Variants in EVL observed in about 807,000 individuals in gnomAD.
EVL encodes Enah/Vasp-like, also known as ena/VASP-like protein.
EVL carries 21 observed loss-of-function variants against 59.6 expected under a neutral mutation model. That is an observed-to-expected ratio of 0.35 (90% CI 0.25 to 0.51). The LOEUF is 0.51. EVL is among the 20% of genes least tolerant of loss of function. The probability of loss-of-function intolerance (pLI) is 0.97; values close to 1 mark genes in which losing one functional copy is unlikely to be tolerated. For synonymous variants in EVL, 198 were observed against 203.5 expected, an observed-to-expected ratio of 0.97 and a Z score of 0.23; for missense variants, 462 against 546.6, an observed-to-expected ratio of 0.85 and a Z score of 1.54.
chr14:100,104,010 T>C (rs1335319759), intron 3 of EVL, among the ~76,000 whole-genome samples: 1 of 152,206 alleles, frequency 6.6e-6, no homozygotes, highest in Non-Finnish European at 1.5e-5. Context: ...AGTTACTTGA[T>C]CTCCCTGTGC....
chr14:99,991,596 C>A (rs1220877224), intron 1 of EVL, among the ~76,000 whole-genome samples: 1 of 152,062 alleles, frequency 6.6e-6, no homozygotes, highest in Non-Finnish European at 1.5e-5. Context: ...AAACAGAATG[C>A]TATAAATAGA....
chr14:100,143,651 GGGCTGCACTGGTCAT>G lies in EVL; in HGVS notation c.1220-41_1220-27del, dbSNP rs140228534. The stretch of plus-strand genomic sequence containing the variant: ...GGGTGCGGGGCCCTGATGAGGAACC[GGGCTGCACTGGTCAT>G]GGCTGCACCTGAGCCGCCGCCACCT... On this transcript the variant is annotated intron_variant, in intron 13 of 13. Transcript: ENST00000392920. 0.015 allele frequency: 23,525 copies of G among 1,607,734 alleles called. 1,572 individuals are homozygous for G. The African/African-American group carries it at 0.18, about 13-fold the overall frequency.
intron 2 of EVL, among the ~76,000 whole-genome samples, chr14:100,085,985 C>T (rs776751522): frequency 2.2e-4 from 34 of 152,062 alleles, no homozygotes; most frequent in Non-Finnish European, 3.8e-4. Flanking sequence ...AAAAATTAGC[C>T]GGGCGTGGTG....
intron 1 of EVL, among the ~76,000 whole-genome samples, chr14:100,057,077 A>G (rs2061745384): frequency 6.6e-6 from 1 of 152,222 alleles, no homozygotes; most frequent in Non-Finnish European, 1.5e-5. Context: ...ATCTTGAAGG[A>G]CAAACCCAAG....
chr14:100,137,283 T>G lies in EVL; in HGVS notation c.965-295T>G, dbSNP rs1595254040. On this transcript the variant is annotated intron_variant, in intron 9 of 13. Coordinates refer to ENST00000392920, the MANE Select transcript of EVL (RefSeq NM_016337.3). ...GCTGGGATGTCCGGGGAGGTCGTGCTTGCTCGCCCTGTGGCTCTAGTCACT... is the reference window on the plus strand; with the variant it reads ...GCTGGGATGTCCGGGGAGGTCGTGCGTGCTCGCCCTGTGGCTCTAGTCACT... 1.7e-5 allele frequency: 8 copies of G among 472,394 alleles called. No individual in the cohort carries two copies. The East Asian group carries it at 3.1e-4, about 18-fold the overall frequency. 29.3% of individuals were successfully genotyped at this position (472,394 alleles called of 1,614,324 possible).
At chr14:100,100,678 C>G (rs1203794489) in intron 3 of EVL, among the ~76,000 whole-genome samples, 1 of 149,622 alleles carries the variant, frequency 6.7e-6, no homozygotes, top group Non-Finnish European at 1.5e-5. Context: ...ACTTGGGAGG[C>G]TGAGGTGGGA....
At position 99,972,597 on chromosome 14, in the gene EVL, C is replaced by T. The variant is rs970136176; in HGVS notation, c.5+540C>T. ...AACCCCTTCGTCTCCTAATTCTCAACCCCCCTTTTTTTTCTTCTTGCACGC... is the reference window on the plus strand; with the variant it reads ...AACCCCTTCGTCTCCTAATTCTCAATCCCCCTTTTTTTTCTTCTTGCACGC... On this transcript the variant is annotated intron_variant, in intron 1 of 13. Coordinates refer to the EVL transcript ENST00000402714. This position sits in a 1 kb window ranked among gnomAD's most constrained non-coding sequence, Gnocchi z 4.4. Among the ~76,000 whole-genome samples the T allele has an allele frequency of 1.1e-4, 17 of 152,158 alleles. No individual in the cohort carries two copies. The highest frequency in any genetic ancestry group is 3.9e-4 in the East Asian group (2 of 5,186).
chr14:100,002,992 A>G (rs1239309397), intron 1 of EVL, among the ~76,000 whole-genome samples: 1 of 152,232 alleles, frequency 6.6e-6, no homozygotes, highest in South Asian at 2.1e-4. Context: ...GCCTTTATTA[A>G]GGAGTTGGCT....
At chr14:100,021,495 A>G (rs913250525) in intron 1 of EVL, among the ~76,000 whole-genome samples, 2 of 151,942 alleles carry the variant, frequency 1.3e-5, no homozygotes, top group Non-Finnish European at 2.9e-5. Flanking sequence ...CTAGTCATGG[A>G]GTTTGTGTAT....
intron 2 of EVL, among the ~76,000 whole-genome samples, chr14:100,089,558 A>G (rs1300778447): frequency 6.6e-6 from 1 of 152,240 alleles, no homozygotes; most frequent in Admixed American, 6.5e-5. Context: ...CACAGTGTAA[A>G]CTAGAAAATA....
chr14:100,016,296 C>T (rs111337662), intron 1 of EVL, among the ~76,000 whole-genome samples: 3,146 of 152,072 alleles, frequency 0.021, 104 homozygotes, highest in African/African-American at 0.073. Flanking sequence ...TTTGGGAGGC[C>T]GAGGAGGGTG....
At chr14:100,035,445 A>G (rs1357687121) in intron 1 of EVL, among the ~76,000 whole-genome samples, 2 of 146,502 alleles carry the variant, frequency 1.4e-5, no homozygotes, top group Non-Finnish European at 3.0e-5. Flanking sequence ...TGATGTAGTT[A>G]CTCTTACTGT....
chr14:100,026,231 G>GAA (rs368516400), intron 1 of EVL, among the ~76,000 whole-genome samples: 2 of 132,302 alleles, frequency 1.5e-5, no homozygotes, highest in Non-Finnish European at 1.7e-5. Context: ...AGTGTCTCAG[G>GAA]AAAAAAAAAA....
intron 1 of EVL, among the ~76,000 whole-genome samples, chr14:100,004,237 G>A (rs2060964263): frequency 6.6e-6 from 1 of 152,012 alleles, no homozygotes; most frequent in Non-Finnish European, 1.5e-5. Flanking sequence ...ACAAACAAAT[G>A]TTAGCATCAG....
chr14:100,131,991 T>C, intron 7 of EVL, among the ~76,000 whole-genome samples: 1 of 152,086 alleles, frequency 6.6e-6, no homozygotes, highest in East Asian at 1.9e-4. Context: ...ACCAGCTCCA[T>C]GCTTGATGGG....
chr14:99,998,427 A>C (rs945840009), intron 1 of EVL, among the ~76,000 whole-genome samples: 1 of 152,120 alleles, frequency 6.6e-6, no homozygotes, highest in African/African-American at 2.4e-5. Context: ...TTGTCTTATC[A>C]CTTTAATGCT....
intron 1 of EVL, among the ~76,000 whole-genome samples, chr14:100,011,070 G>A (rs908435413): frequency 5.3e-5 from 8 of 152,170 alleles, no homozygotes; most frequent in African/African-American, 1.4e-4. Flanking sequence ...TAAAGAACAT[G>A]TGAATGAGGA....
intron 1 of EVL, among the ~76,000 whole-genome samples, chr14:100,026,012 A>T (rs1309311852): frequency 6.6e-6 from 1 of 152,108 alleles, no homozygotes; most frequent in Admixed American, 6.5e-5. Context: ...GCATTTTGGG[A>T]GGCTGAGGCG....
intron 1 of EVL, among the ~76,000 whole-genome samples, chr14:100,013,828 A>G (rs2061033061): frequency 1.3e-5 from 2 of 152,196 alleles, no homozygotes; most frequent in Admixed American, 6.5e-5. Context: ...CCAAATGCCA[A>G]GTTTGGGGGC....
Sources: gnomAD v4.1 joint callset for allele counts (sites outside exome capture counted in the v4.1 genomes callset) on GRCh38, gnomAD v4.1.1 for gene constraint, Gnocchi (gnomAD v3.1) non-coding constraint, MANE v1.5 for transcripts, NCBI Gene and HGNC (gene_info 2026-07-23, HGNC 2026-07-21) for gene names.